RNLS: variants seen among roughly 807,000 people sequenced by gnomAD.
RNLS encodes renalase.
A neutral mutation model predicts 39.8 loss-of-function variants in RNLS; 39 were observed. The observed-to-expected ratio is 0.98, with a 90% confidence interval of 0.76 to 1.28. RNLS has a LOEUF of 1.28. RNLS is among the 50% of genes most tolerant of loss of function. The pLI, the probability that RNLS is intolerant of heterozygous loss-of-function variation, is 0.00. For missense variants in RNLS, 410 were observed against 413.3 expected (o/e 0.99, Z 0.07); for synonymous variants, 147 against 150.7 (o/e 0.98, Z 0.18).
intron 5 of RNLS, among the ~76,000 whole-genome samples, chr10:88,327,010 C>T (rs570086649): frequency 1.3e-5 from 2 of 152,240 alleles, no homozygotes; most frequent in African/African-American, 4.8e-5. Flanking sequence ...GCCAATTTCT[C>T]CCATTTGGAA....
At chr10:88,228,098 A>G in the RNLS span, among the ~76,000 whole-genome samples, 1,502 of 152,234 alleles carry the variant, frequency 9.9e-3, 27 homozygotes, top group African/African-American at 0.034. Context: ...TGTCATCTTC[A>G]GGTTATTCCT....
intron 4 of RNLS, among the ~76,000 whole-genome samples, chr10:88,387,418 G>A (rs907060994): frequency 6.9e-6 from 1 of 145,784 alleles, no homozygotes; most frequent in African/African-American, 2.5e-5. Flanking sequence ...CAAATAACCA[G>A]CCTTTTTCAG....
intron 6 of RNLS, among the ~76,000 whole-genome samples, chr10:88,299,728 C>A (rs1396628569): frequency 6.6e-6 from 1 of 152,100 alleles, no homozygotes; most frequent in East Asian, 1.9e-4. Flanking sequence ...GTCTATGATC[C>A]ATTTTTAGTT....
At chr10:88,212,663 T>C in the RNLS span, among the ~76,000 whole-genome samples, 1 of 152,234 alleles carries the variant, frequency 6.6e-6, no homozygotes, top group Admixed American at 6.5e-5. Flanking sequence ...CTGTTTATCA[T>C]GTAAAATGAG....
intron 4 of RNLS, among the ~76,000 whole-genome samples, chr10:88,379,258 T>C (rs1851266381): frequency 6.6e-6 from 1 of 152,232 alleles, no homozygotes; most frequent in Non-Finnish European, 1.5e-5. Context: ...TTCTTTGCTT[T>C]GGTTTACTTA....
chr10:88,535,114 A>G (rs1589972384), intron 4 of RNLS, among the ~76,000 whole-genome samples: 1 of 152,172 alleles, frequency 6.6e-6, no homozygotes, highest in East Asian at 1.9e-4. Flanking sequence ...ATATAACATG[A>G]GGATTAAATA....
At chr10:88,496,128 GA>G (rs1845160459) in intron 4 of RNLS, among the ~76,000 whole-genome samples, 1 of 152,064 alleles carries the variant, frequency 6.6e-6, no homozygotes, top group Non-Finnish European at 1.5e-5. Context: ...AAGTACCCCA[GA>G]AAAACACTTG....
At chr10:88,310,888 A>C (rs970436319) in intron 6 of RNLS, among the ~76,000 whole-genome samples, 10 of 151,088 alleles carry the variant, frequency 6.6e-5, no homozygotes, top group African/African-American at 2.4e-4. Context: ...TTAAGTGAAG[A>C]TATATAACTA....
chr10:88,254,062 G>A, the RNLS span, among the ~76,000 whole-genome samples: 124 of 152,326 alleles, frequency 8.1e-4, no homozygotes, highest in Non-Finnish European at 1.4e-3. Flanking sequence ...TATGCAATAT[G>A]TGGGACTTTT....
intron 4 of RNLS, among the ~76,000 whole-genome samples, chr10:88,445,534 T>C (rs977679950): frequency 1.3e-5 from 2 of 151,766 alleles, no homozygotes; most frequent in African/African-American, 4.8e-5. Flanking sequence ...TTGGATAGAG[T>C]CAAGACTCAT....
chr10:88,580,791 G>T (rs1412801163), intron 3 of RNLS, among the ~76,000 whole-genome samples: 2 of 152,104 alleles, frequency 1.3e-5, no homozygotes, highest in Non-Finnish European at 2.9e-5. Flanking sequence ...ACCACGAAGA[G>T]ATCCAATTTT....
chr10:88,433,374 G>C (rs1342454), intron 4 of RNLS, among the ~76,000 whole-genome samples: 1 of 152,060 alleles, frequency 6.6e-6, no homozygotes, highest in African/African-American at 2.4e-5. Context: ...GCTAGAGTAT[G>C]AGTTTTGGTT....
At chr10:88,288,640 A>G (rs1369730066) in intron 6 of RNLS, among the ~76,000 whole-genome samples, 2 of 152,168 alleles carry the variant, frequency 1.3e-5, no homozygotes, top group Non-Finnish European at 2.9e-5. Context: ...GTTTAAGGAA[A>G]AAGGTTTTGC....
intron 4 of RNLS, among the ~76,000 whole-genome samples, chr10:88,484,615 C>T (rs1364907363): frequency 6.6e-6 from 1 of 151,848 alleles, no homozygotes; most frequent in African/African-American, 2.4e-5. Context: ...GTAAGTGCCA[C>T]AAGACAGAAA....
At chr10:88,254,158 C>T in the RNLS span, among the ~76,000 whole-genome samples, 1 of 152,186 alleles carries the variant, frequency 6.6e-6, no homozygotes, top group Non-Finnish European at 1.5e-5. Flanking sequence ...GCTTTTGCAG[C>T]ATCTGTCCAT....
At chr10:88,249,480 A>G in the RNLS span, among the ~76,000 whole-genome samples, 1 of 152,214 alleles carries the variant, frequency 6.6e-6, no homozygotes, top group African/African-American at 2.4e-5. Context: ...TCATGAATCT[A>G]GACAGGGTAT....
At chr10:88,219,421 G>A in the RNLS span, among the ~76,000 whole-genome samples, 1 of 152,174 alleles carries the variant, frequency 6.6e-6, no homozygotes, top group Non-Finnish European at 1.5e-5. Context: ...GAAACCTACA[G>A]TGATTTCCTA....
chr10:88,184,164 T>G, the RNLS span, among the ~76,000 whole-genome samples: 1 of 152,132 alleles, frequency 6.6e-6, no homozygotes, highest in South Asian at 2.1e-4. Flanking sequence ...ACACTTTCTG[T>G]GTGAGCCTAT....
chr10:88,293,040 T>C (rs975838937), intron 6 of RNLS, among the ~76,000 whole-genome samples: 4 of 152,078 alleles, frequency 2.6e-5, no homozygotes, highest in Admixed American at 2.6e-4. Context: ...AGAGTGAGAC[T>C]CTGTCTCAAA....
Sources: allele counts gnomAD v4.1 joint callset (sites outside exome capture counted in the v4.1 genomes callset), GRCh38; gene constraint gnomAD v4.1.1; transcripts MANE v1.5; gene names NCBI Gene and HGNC (gene_info 2026-07-23, HGNC 2026-07-21).